PCDHGA3: variants seen among roughly 807,000 people sequenced by gnomAD.
The protein encoded by PCDHGA3 is protocadherin gamma subfamily A, 3.
A neutral mutation model predicts 58.5 loss-of-function variants in PCDHGA3; 40 were observed. The observed-to-expected ratio is 0.68, with a 90% CI of 0.53 to 0.89. PCDHGA3 has a LOEUF of 0.89. PCDHGA3 is among the 40% of genes least tolerant of loss of function. The pLI, the probability that PCDHGA3 is intolerant of heterozygous loss-of-function variation, is 0.00. For synonymous variants in PCDHGA3, 530 were observed against 525.7 expected, an observed-to-expected ratio of 1.01 and a Z score of -0.11; for missense variants, 1,223 against 1,195.9, an observed-to-expected ratio of 1.02 and a Z score of -0.33.
At chr5:141,438,091 C>T (rs964466012) in intron 1 of PCDHGA3, among the ~76,000 whole-genome samples, 1 of 152,098 alleles carries the variant, frequency 6.6e-6, no homozygotes, top group Admixed American at 6.6e-5. Flanking sequence ...TTACCAGTAA[C>T]AGGGCATACT....
At chr5:141,404,623 C>T in intron 1 of PCDHGA3, 3 of 1,614,154 alleles carry the variant, frequency 1.9e-6, no homozygotes, top group Non-Finnish European at 2.5e-6. Context: ...ACCAGAATGA[C>T]AATGCCCCAG....
At chr5:141,368,210 C>A (rs1293678228) in intron 1 of PCDHGA3, among the ~76,000 whole-genome samples, 5 of 152,078 alleles carry the variant, frequency 3.3e-5, no homozygotes, top group Admixed American at 6.5e-5. Flanking sequence ...TAAAATATTA[C>A]AAATGGGATA....
chr5:141,403,465 G>A, intron 1 of PCDHGA3: 1 of 1,614,018 alleles, frequency 6.2e-7, no homozygotes, highest in Non-Finnish European at 8.5e-7. Context: ...AGAGCTACCA[G>A]CTCAGCCCCA....
chr5:141,410,530 T>C (rs1400165380), intron 1 of PCDHGA3: 1 of 1,613,956 alleles, frequency 6.2e-7, no homozygotes, highest in South Asian at 1.1e-5. Context: ...TACATTCCAA[T>C]GAAGACATGG....
At chr5:141,398,282 C>T in intron 1 of PCDHGA3, 2 of 1,401,814 alleles carry the variant, frequency 1.4e-6, no homozygotes, top group South Asian at 2.6e-5. Context: ...AACCTCGCCA[C>T]GGACCTGGGG....
chr5:141,464,907 T>A lies in PCDHGA3; in HGVS notation c.2425-29900T>A, dbSNP rs187725683. On this transcript the variant is annotated intron_variant, in intron 1 of 3. Transcript: ENST00000253812. ...ATGGATGCCACCATGTCCAGCTAAT[T>A]TTTTTATTTTTTTGTAGAGATGTGA... 4.5e-3 allele frequency among the ~76,000 whole-genome samples: 687 copies of A among 152,148 alleles called. 4 individuals are homozygous for A. Among genetic ancestry groups the A allele is most frequent in the African/African-American group, 0.015 (630 of 41,510 alleles).
Position 141,346,143 on chromosome 5 carries a change from TTCCTGGCCTTCGTCA to T in PCDHGA3, c.2113_2127del (p.Leu705_Ile709del), listed in dbSNP as rs1757701320. The T allele has an allele frequency of 6.2e-7, 1 of 1,613,880 alleles. No homozygotes were observed. The highest frequency in any genetic ancestry group is 1.1e-5 in the South Asian group (1 of 91,078). On this transcript the variant is annotated inframe_deletion, in exon 1 of 4. Coordinates refer to ENST00000253812, the MANE Select transcript of PCDHGA3 (RefSeq NM_018916.4). ...GGCGGTGGCCGCGGTCTCCTGCGTCTTCCTGGCCTTCGTCATCGTGCTGCTGGCGCTCAGGCTGCG... is the reference window on the plus strand; with the variant it reads ...GGCGGTGGCCGCGGTCTCCTGCGTCTTCGTGCTGCTGGCGCTCAGGCTGCG...
intron 1 of PCDHGA3, chr5:141,399,619 G>T (rs749025661): frequency 1.2e-6 from 2 of 1,613,784 alleles, no homozygotes; most frequent in Non-Finnish European, 1.7e-6. Flanking sequence ...TCTGGCACTG[G>T]CCTCTTACGT....
chr5:141,401,503 C>A (rs755118621), intron 1 of PCDHGA3, among the ~76,000 whole-genome samples: 1 of 151,946 alleles, frequency 6.6e-6, no homozygotes, highest in Non-Finnish European at 1.5e-5. Flanking sequence ...AATCCTTTTC[C>A]ACCTCTATAT....
intron 1 of PCDHGA3, among the ~76,000 whole-genome samples, chr5:141,453,135 A>G (rs932061368): frequency 6.6e-6 from 1 of 151,778 alleles, no homozygotes; most frequent in Non-Finnish European, 1.5e-5. Context: ...TGTTTTTGAG[A>G]TAGGGTCTCG....
intron 1 of PCDHGA3, chr5:141,421,906 G>C: frequency 6.2e-7 from 1 of 1,613,770 alleles, no homozygotes; most frequent in Non-Finnish European, 8.5e-7. Context: ...AAAGGGCGCA[G>C]TTCCCATTCG....
intron 1 of PCDHGA3, among the ~76,000 whole-genome samples, chr5:141,465,219 C>A (rs1272266733): frequency 6.6e-6 from 1 of 152,004 alleles, no homozygotes; most frequent in Non-Finnish European, 1.5e-5. Context: ...TATTTTTCAA[C>A]ATGAGCTCCA....
intron 1 of PCDHGA3, chr5:141,421,442 A>G (rs769354611): frequency 1.7e-5 from 27 of 1,613,990 alleles, no homozygotes; most frequent in Non-Finnish European, 2.2e-5. Context: ...TCCAGAGGGA[A>G]GACACAGCTT....
intron 1 of PCDHGA3, chr5:141,388,678 C>T (rs1347655255): frequency 5.6e-6 from 9 of 1,613,818 alleles, no homozygotes; most frequent in Non-Finnish European, 7.6e-6. Flanking sequence ...CTACAGGTGA[C>T]TGCCACGGAC....
intron 1 of PCDHGA3, chr5:141,422,178 G>A (rs1561799748): frequency 1.9e-6 from 3 of 1,563,306 alleles, no homozygotes; most frequent in Non-Finnish European, 1.7e-6. Flanking sequence ...GATTCTATGA[G>A]ATGGAAATTC....
intron 1 of PCDHGA3, chr5:141,370,893 C>A (rs116495533): frequency 6.2e-7 from 1 of 1,613,944 alleles, no homozygotes; most frequent in African/African-American, 1.3e-5. Flanking sequence ...TGTCAATTCG[C>A]TGCAGCAGTA....
chr5:141,478,465 C>T (rs768021356), intron 1 of PCDHGA3: 6 of 1,613,730 alleles, frequency 3.7e-6, no homozygotes, highest in Non-Finnish European at 5.1e-6. Context: ...GTCCACTGGC[C>T]AGCCGCCAGA....
At chr5:141,475,910 G>A in intron 1 of PCDHGA3, 1 of 588,414 alleles carries the variant, frequency 1.7e-6, no homozygotes, top group South Asian at 2.3e-5. Context: ...GTCGGCCAAT[G>A]AAGACGCTGG....
intron 1 of PCDHGA3, among the ~76,000 whole-genome samples, chr5:141,436,677 G>T (rs966497986): frequency 2.2e-4 from 33 of 152,278 alleles, no homozygotes; most frequent in Non-Finnish European, 2.9e-5. Flanking sequence ...CCAAAAAAAG[G>T]ATTTATATTT....
Sources: allele counts gnomAD v4.1 joint callset (sites outside exome capture counted in the v4.1 genomes callset), GRCh38; gene constraint gnomAD v4.1.1; transcripts MANE v1.5; gene names NCBI Gene and HGNC (gene_info 2026-07-23, HGNC 2026-07-21).